The following RNF13 variants were observed in gnomAD, a reference collection of about 807,000 sequenced individuals.
RNF13 encodes the protein E3 ubiquitin-protein ligase RNF13.
Under a neutral mutation model 37.7 loss-of-function variants are expected in RNF13, and 19 were observed. That is an observed-to-expected ratio of 0.50 (90% CI 0.35 to 0.74). The LOEUF (loss-of-function observed/expected upper bound fraction) is 0.74. RNF13 is among the 30% of genes least tolerant of loss of function. The pLI, the probability that RNF13 is intolerant of heterozygous loss-of-function variation, is 0.01. For missense variants in RNF13, 375 were observed against 453.0 expected (o/e 0.83, Z 1.56); for synonymous variants, 144 against 157.8 (o/e 0.91, Z 0.65).
intron 4 of RNF13, among the ~76,000 whole-genome samples, chr3:149,888,382 C>A (rs556852337): frequency 3.9e-5 from 6 of 152,124 alleles, no homozygotes; most frequent in Non-Finnish European, 8.8e-5. Flanking sequence ...GTAAAAGCTA[C>A]TATTTATCAT....
At chr3:149,863,676 G>A (rs958727810) in intron 3 of RNF13, among the ~76,000 whole-genome samples, 18 of 152,054 alleles carry the variant, frequency 1.2e-4, no homozygotes, top group African/African-American at 3.6e-4. Context: ...CACCACACCC[G>A]GGCTACATTT....
intron 9 of RNF13, among the ~76,000 whole-genome samples, chr3:149,960,387 C>T (rs939915487): frequency 2.0e-5 from 3 of 151,956 alleles, no homozygotes; most frequent in Admixed American, 6.6e-5. Context: ...GTCAGGAGAT[C>T]GAGACCATCC....
chr3:149,824,710 T>TG (rs1254121478), intron 1 of RNF13, among the ~76,000 whole-genome samples: 1 of 151,982 alleles, frequency 6.6e-6, no homozygotes, highest in Non-Finnish European at 1.5e-5. Context: ...TTAGGTAGAT[T>TG]GATAAACACA....
chr3:149,897,075 A>G (rs1326275368), intron 5 of RNF13, among the ~76,000 whole-genome samples: 8 of 152,026 alleles, frequency 5.3e-5, no homozygotes, highest in Admixed American at 5.2e-4. Flanking sequence ...TCCTTTAACT[A>G]TTTCCCTCTT....
chr3:149,929,031 C>T (rs536069616), intron 8 of RNF13, among the ~76,000 whole-genome samples: 8 of 152,268 alleles, frequency 5.3e-5, no homozygotes, highest in African/African-American at 1.9e-4. Flanking sequence ...TTATAACCTA[C>T]AACTTTGATG....
chr3:149,953,760 C>T (rs971652410), intron 8 of RNF13, among the ~76,000 whole-genome samples: 2 of 152,186 alleles, frequency 1.3e-5, no homozygotes, highest in Non-Finnish European at 2.9e-5. Context: ...AGTTTCTTAA[C>T]CTTGCCAAGC....
chr3:149,835,575 A>G (rs1329437208), intron 1 of RNF13, among the ~76,000 whole-genome samples: 7 of 151,526 alleles, frequency 4.6e-5, no homozygotes, highest in Non-Finnish European at 1.0e-4. Context: ...TTCCAGTTCT[A>G]TCTAGGTTGC....
rs1158555401 is a variant in RNF13 at position 149,961,066 on chromosome 3, A to G, written c.1108A>G (p.Asn370Asp). 1.2e-6 allele frequency: 2 copies of G among 1,613,444 alleles called. No homozygotes were observed. The highest frequency in any genetic ancestry group is 8.5e-7 in the Non-Finnish European group (1 of 1,179,648). ...TGATGTCGTGGTCCAGTTGCAGCCT[A>G]ATGGTGAACGGGATTACAACATAGC... Reference protein sequence around the residue: ...EHDVVVQLQPNGERDYNIANT... With the variant: ...EHDVVVQLQPDGERDYNIANT... The change falls in exon 10 of 10, where the codon AAT becomes GAT. Residue 370 changes from asparagine (N) to aspartate (D), a missense_variant. Asn to Asp is a conservative substitution (Grantham distance 23). Coordinates refer to ENST00000392894, the MANE Select transcript of RNF13 (RefSeq NM_183381.3).
At chr3:149,851,800 T>G (rs773748227) in intron 2 of RNF13, 3 of 152,220 alleles carry the variant, frequency 2.0e-5, no homozygotes, top group Non-Finnish European at 2.9e-5. Context: ...TATAGCAAAT[T>G]GAACATTATT....
At chr3:149,883,975 G>C (rs1345390791) in intron 4 of RNF13, among the ~76,000 whole-genome samples, 1 of 152,118 alleles carries the variant, frequency 6.6e-6, no homozygotes, top group Non-Finnish European at 1.5e-5. Context: ...TTCTGCGTTA[G>C]TTTGCCAAGG....
intron 4 of RNF13, among the ~76,000 whole-genome samples, chr3:149,872,756 C>T (rs187739994): frequency 1.3e-5 from 2 of 152,178 alleles, no homozygotes; most frequent in Admixed American, 1.3e-4. Flanking sequence ...CATGTATCTC[C>T]CAGAATAGGA....
intron 3 of RNF13, among the ~76,000 whole-genome samples, chr3:149,869,332 G>A (rs568804833): frequency 2.6e-5 from 4 of 151,862 alleles, no homozygotes; most frequent in Non-Finnish European, 2.9e-5. Flanking sequence ...TAGGCCGGGC[G>A]CGGTGGCTCA....
At chr3:149,855,482 T>C (rs550835744) in intron 3 of RNF13, among the ~76,000 whole-genome samples, 58 of 151,384 alleles carry the variant, frequency 3.8e-4, no homozygotes, top group Non-Finnish European at 7.4e-4. Context: ...ATTTCCTCTT[T>C]AAAAATACAT....
chr3:149,902,239 C>A, intron 6 of RNF13, 77 bp downstream of exon 6: 1 of 676,558 alleles, frequency 1.5e-6, no homozygotes, highest in Non-Finnish European at 2.5e-6. Context: ...ATATTGTAAT[C>A]AAGATTATGT....
intron 1 of RNF13, among the ~76,000 whole-genome samples, chr3:149,829,139 C>A (rs1452658464): frequency 6.6e-6 from 1 of 152,074 alleles, no homozygotes; most frequent in Non-Finnish European, 1.5e-5. Flanking sequence ...TCTTGCTTTG[C>A]CACCCAGGCT....
At chr3:149,850,706 AT>A (rs1349206795) in intron 2 of RNF13, among the ~76,000 whole-genome samples, 1 of 152,206 alleles carries the variant, frequency 6.6e-6, no homozygotes, top group Non-Finnish European at 1.5e-5. Context: ...TCCTCATTCT[AT>A]TTCCATTGAT....
In RNF13 at chr3:149,962,105, T is replaced by A. The variant is rs148470115; in HGVS notation, c.*1001T>A. The A allele has an allele frequency of 6.5e-6, 1 of 152,766 alleles. No homozygotes were observed. The highest frequency in any genetic ancestry group is 1.5e-5 in the Non-Finnish European group (1 of 68,026). 9.5% of individuals were successfully genotyped at this position (152,766 alleles called of 1,614,324 possible). A position where few individuals can be genotyped will look rare whatever the true frequency, so the allele number is the denominator to read the frequency against. ...CCTTGTATGAGGGGAGTTTGAATGT[T>A]AATAAACATGTTTTCCACTTTAAGA... On this transcript the variant is annotated 3_prime_UTR_variant, in exon 10 of 10. Coordinates refer to ENST00000392894, the MANE Select transcript of RNF13 (RefSeq NM_183381.3).
intron 8 of RNF13, among the ~76,000 whole-genome samples, chr3:149,953,785 A>C (rs532419196): frequency 1.3e-5 from 2 of 152,324 alleles, no homozygotes; most frequent in Middle Eastern, 6.8e-3. Flanking sequence ...ATTCATGTGT[A>C]AATGTACCTA....
At chr3:149,871,192 C>G (rs1712017507) in intron 3 of RNF13, among the ~76,000 whole-genome samples, 1 of 151,692 alleles carries the variant, frequency 6.6e-6, no homozygotes, top group African/African-American at 2.4e-5. Flanking sequence ...CAGGTGTGTG[C>G]CACCATGCTC....
Sources: allele counts gnomAD v4.1 joint callset (sites outside exome capture counted in the v4.1 genomes callset), GRCh38; gene constraint gnomAD v4.1.1; transcripts MANE v1.5; gene names NCBI Gene and HGNC (gene_info 2026-07-23, HGNC 2026-07-21).